The following PCCA variants were observed in gnomAD, a reference collection of about 807,000 sequenced individuals.
PCCA encodes the protein propionyl-CoA carboxylase subunit alpha, also known as propionyl-CoA carboxylase alpha chain, mitochondrial.
In PCCA, 74 loss-of-function variants were observed where a neutral mutation model predicts 101.3. The ratio of observed to expected loss-of-function variants is 0.73; its 90% confidence interval spans 0.61 to 0.89. The LOEUF is 0.89. Ranked by LOEUF, PCCA falls within the 40% of genes least tolerant of loss-of-function variation. The pLI is 0.00. For missense variants in PCCA, 891 were observed against 907.0 expected, an observed-to-expected ratio of 0.98 and a Z score of 0.23; for synonymous variants, 294 against 313.6, an observed-to-expected ratio of 0.94 and a Z score of 0.66.
At chr13:100,301,793 T>C (rs2066082146) in intron 13 of PCCA, among the ~76,000 whole-genome samples, 190 bp downstream of exon 13, 1 of 152,208 alleles carries the variant, frequency 6.6e-6, no homozygotes, top group African/African-American at 2.4e-5. Flanking sequence ...AGAATTGGGC[T>C]TAGTTAATTG....
chr13:100,502,482 T>C (rs990805981), intron 21 of PCCA, among the ~76,000 whole-genome samples: 1 of 152,242 alleles, frequency 6.6e-6, no homozygotes. Flanking sequence ...TCTCCTAGTC[T>C]TATTTCATGA....
intron 18 of PCCA, among the ~76,000 whole-genome samples, chr13:100,348,826 TTTC>T (rs2072822534): frequency 6.8e-6 from 1 of 147,956 alleles, no homozygotes. Context: ...CTTTCTTTCT[TTTC>T]TCTCTCTTTT....
At chr13:100,495,532 A>G (rs1217583797) in intron 21 of PCCA, among the ~76,000 whole-genome samples, 1 of 152,202 alleles carries the variant, frequency 6.6e-6, no homozygotes, top group African/African-American at 2.4e-5. Context: ...CCTTATTTGT[A>G]AAGAAGCTCA....
intron 6 of PCCA, among the ~76,000 whole-genome samples, chr13:100,208,301 A>G (rs957703929): frequency 6.6e-6 from 1 of 152,188 alleles, no homozygotes; most frequent in Non-Finnish European, 1.5e-5. Context: ...CCTGGTCACC[A>G]GGAGAATGAA....
At chr13:100,342,475 C>T (rs972562958) in intron 18 of PCCA, among the ~76,000 whole-genome samples, 3 of 151,914 alleles carry the variant, frequency 2.0e-5, no homozygotes, top group African/African-American at 7.3e-5. Flanking sequence ...ACCATGTTGG[C>T]CAGGCTGGTC....
Position 100,240,516 on chromosome 13 carries a change from TGCCACCC to T in PCCA, c.637+4639_637+4645del, listed in dbSNP as rs577518457. ...TCTTCAAGAGAAGATTCTCTAATAC[TGCCACCC>T]AGTCATTCTCTGTCTTATAACTATT... On this transcript the variant is annotated intron_variant, in intron 8 of 23. Transcript: ENST00000376285. Among the ~76,000 whole-genome samples the T allele has an allele frequency of 9.2e-5, 14 of 152,256 alleles. No homozygotes were observed. In the South Asian group the frequency reaches 2.9e-3, roughly 32 times the overall value.
intron 6 of PCCA, among the ~76,000 whole-genome samples, chr13:100,167,162 C>G (rs566928527): frequency 5.3e-5 from 8 of 152,264 alleles, no homozygotes; most frequent in African/African-American, 1.9e-4. Flanking sequence ...TTTTCATTTA[C>G]TCAGCAGTAT....
chr13:100,200,509 G>T (rs1734418189), intron 6 of PCCA, among the ~76,000 whole-genome samples: 1 of 151,850 alleles, frequency 6.6e-6, no homozygotes, highest in African/African-American at 2.4e-5. Flanking sequence ...CTACTGATTG[G>T]TCATTTTAAG....
chr13:100,205,985 G>A (rs1198931762), intron 6 of PCCA, among the ~76,000 whole-genome samples: 2 of 152,052 alleles, frequency 1.3e-5, no homozygotes, highest in Non-Finnish European at 2.9e-5. Flanking sequence ...AGAGGTGTAG[G>A]CTTACCTCTA....
intron 17 of PCCA, among the ~76,000 whole-genome samples, chr13:100,339,045 C>T (rs1423030989): frequency 6.6e-6 from 1 of 151,450 alleles, no homozygotes. Flanking sequence ...GTTCTAGGAC[C>T]CTTTCAGGTA....
chr13:100,326,271 G>A (rs1236811819), intron 16 of PCCA, among the ~76,000 whole-genome samples: 1 of 152,164 alleles, frequency 6.6e-6, no homozygotes, highest in African/African-American at 2.4e-5. Flanking sequence ...GAATCCAAGA[G>A]CGGATAGACA....
chr13:100,244,739 GA>G (rs1039811274), intron 8 of PCCA, among the ~76,000 whole-genome samples: 1 of 152,082 alleles, frequency 6.6e-6, no homozygotes, highest in Non-Finnish European at 1.5e-5. Context: ...TAAGTAGAGA[GA>G]AATAGGCAGG....
intron 18 of PCCA, among the ~76,000 whole-genome samples, chr13:100,363,209 A>G (rs2074816527): frequency 6.6e-6 from 1 of 151,956 alleles, no homozygotes; most frequent in Non-Finnish European, 1.5e-5. Flanking sequence ...GAATTGCTGA[A>G]TTTTTATCTT....
intron 19 of PCCA, among the ~76,000 whole-genome samples, chr13:100,414,808 T>G (rs982085964): frequency 1.3e-5 from 2 of 152,230 alleles, no homozygotes; most frequent in Admixed American, 1.3e-4. Context: ...ATAATCATAC[T>G]TTTTGTTAGC....
At chr13:100,149,666 G>A (rs1359140383) in intron 4 of PCCA, 1 of 152,176 alleles carries the variant, frequency 6.6e-6, no homozygotes, top group Non-Finnish European at 1.5e-5. Flanking sequence ...GTCTTGCATT[G>A]AAGGACATCA....
intron 21 of PCCA, among the ~76,000 whole-genome samples, chr13:100,464,809 G>T (rs1205078705): frequency 1.3e-5 from 2 of 152,306 alleles, no homozygotes; most frequent in African/African-American, 4.8e-5. Context: ...GGTGCCTTGT[G>T]TTTAAACTGT....
intron 19 of PCCA, among the ~76,000 whole-genome samples, chr13:100,407,335 A>G (rs2077746770): frequency 6.6e-6 from 1 of 152,210 alleles, no homozygotes; most frequent in Non-Finnish European, 1.5e-5. Flanking sequence ...AGTTGTCAGG[A>G]AAGACAATTT....
At chr13:100,416,423 C>T (rs2078365894) in intron 19 of PCCA, among the ~76,000 whole-genome samples, 1 of 152,002 alleles carries the variant, frequency 6.6e-6, no homozygotes, top group Admixed American at 6.6e-5. Context: ...CTCAAGTACT[C>T]CGCCCGCCTC....
chr13:100,240,037 C>T (rs2061024562), intron 8 of PCCA, among the ~76,000 whole-genome samples: 1 of 152,118 alleles, frequency 6.6e-6, no homozygotes, highest in Non-Finnish European at 1.5e-5. Flanking sequence ...TACCACTCTC[C>T]TCCAAACTAC....
Sources: allele counts gnomAD v4.1 joint callset (sites outside exome capture counted in the v4.1 genomes callset), GRCh38; gene constraint gnomAD v4.1.1; transcripts MANE v1.5; gene names NCBI Gene and HGNC (gene_info 2026-07-23, HGNC 2026-07-21).